ZNF506: variants seen among roughly 807,000 people sequenced by gnomAD.
ZNF506 encodes zinc finger protein 506.
A neutral mutation model predicts 11.6 loss-of-function variants in ZNF506; 10 were observed. That is an observed-to-expected ratio of 0.86 (90% confidence interval 0.53 to 1.46). The LOEUF is 1.46. Ranked by LOEUF, ZNF506 falls within the 40% of genes most tolerant of loss-of-function variation. ZNF506 has a pLI of 0.00. For synonymous variants in ZNF506, 156 were observed against 173.3 expected, an observed-to-expected ratio of 0.90 and a Z score of 0.78; for missense variants, 425 against 521.2, an observed-to-expected ratio of 0.82 and a Z score of 1.80.
chr19:19,812,753 A>C (rs1322725162), intron 1 of ZNF506, among the ~76,000 whole-genome samples: 1 of 152,236 alleles, frequency 6.6e-6, no homozygotes, highest in East Asian at 1.9e-4. Flanking sequence ...GTGGAGTACA[A>C]TTAAAGGAGA....
chr19:19,814,680 C>T (rs1005382706), intron 1 of ZNF506, among the ~76,000 whole-genome samples: 2 of 151,484 alleles, frequency 1.3e-5, no homozygotes, highest in South Asian at 4.2e-4. Context: ...ACATGTGTAC[C>T]CTGAACCAAA....
At chr19:19,821,179 G>A (rs908020727) in intron 1 of ZNF506, among the ~76,000 whole-genome samples, 4 of 152,304 alleles carry the variant, frequency 2.6e-5, no homozygotes, top group Non-Finnish European at 5.9e-5. Context: ...GATTACAGGG[G>A]TGACCCACCA....
At chr19:19,813,608 G>T (rs1024557596) in intron 1 of ZNF506, among the ~76,000 whole-genome samples, 20 of 152,180 alleles carry the variant, frequency 1.3e-4, no homozygotes, top group Non-Finnish European at 2.6e-4. Flanking sequence ...CATGTTCATT[G>T]CAGCACTATT....
rs181645207 is a variant in ZNF506, at chr19:19,802,018, A to C, written c.226+4013T>G. Among the ~76,000 whole-genome samples the C allele has an allele frequency of 1.3e-4, 20 of 151,880 alleles. 1 individual carries two copies. The highest frequency in any genetic ancestry group is 4.6e-4 in the African/African-American group (19 of 41,246). On this transcript the variant is annotated intron_variant, in intron 3 of 3. Transcript: ENST00000540806. ...CAGGAGTTCAAAGACCAGCCTGACC[A>C]ACATGGTGAAACCCCATCTCTACTA...
At chr19:19,809,650 G>GA (rs1388796876) in intron 1 of ZNF506, among the ~76,000 whole-genome samples, 4 of 150,236 alleles carry the variant, frequency 2.7e-5, no homozygotes, top group Non-Finnish European at 5.9e-5. Context: ...AAGAGATTCA[G>GA]GAACAATGAG....
intron 1 of ZNF506, among the ~76,000 whole-genome samples, chr19:19,812,254 C>A (rs1244850426): frequency 1.3e-5 from 2 of 152,240 alleles, no homozygotes; most frequent in African/African-American, 4.8e-5. Flanking sequence ...TCAAATGCCT[C>A]AAAGACACCT....
chr19:19,814,959 T>A (rs956707787), intron 1 of ZNF506, among the ~76,000 whole-genome samples: 5 of 151,974 alleles, frequency 3.3e-5, no homozygotes, highest in African/African-American at 1.2e-4. Context: ...AACACTAGGA[T>A]CAAAAATGCC....
chr19:19,800,920 G>A (rs1474976741), intron 3 of ZNF506, among the ~76,000 whole-genome samples: 1 of 151,914 alleles, frequency 6.6e-6, no homozygotes, highest in East Asian at 2.0e-4. Context: ...CAACACTAGG[G>A]GAGGCCGAGG....
rs993427868 is a variant in ZNF506, at chr19:19,801,979, A to G, written c.226+4052T>C. On this transcript the variant is annotated intron_variant, in intron 3 of 3. Coordinates refer to ENST00000540806, the MANE Select transcript of ZNF506 (RefSeq NM_001099269.3). ...AGCACTATGGGAGGCCGAGGCGGGC[A>G]GATCACCTGAGGTCAGGAGTTCAAA... Among the ~76,000 whole-genome samples the G allele has an allele frequency of 9.9e-5, 15 of 151,430 alleles. 1 individual carries two copies. The highest frequency in any genetic ancestry group is 7.9e-4 in the Admixed American group (12 of 15,210).
intron 3 of ZNF506, among the ~76,000 whole-genome samples, chr19:19,804,632 A>G (rs2062820861): frequency 6.6e-6 from 1 of 152,254 alleles, no homozygotes; most frequent in Non-Finnish European, 1.5e-5. Context: ...ACACATGCAC[A>G]CGTATGTTTA....
At chr19:19,820,893 C>T (rs1359388968) in intron 1 of ZNF506, among the ~76,000 whole-genome samples, 1 of 151,848 alleles carries the variant, frequency 6.6e-6, no homozygotes, top group Non-Finnish European at 1.5e-5. Context: ...TGCGGTGACT[C>T]CCCCCTCCCC....
chr19:19,800,766 T>G (rs1042558978), intron 3 of ZNF506, among the ~76,000 whole-genome samples: 4 of 152,102 alleles, frequency 2.6e-5, no homozygotes, highest in Admixed American at 1.3e-4. Context: ...GATAACACAT[T>G]TTGTTATGTG....
chr19:19,798,580 G>T (rs1450041676), intron 3 of ZNF506: 1 of 148,818 alleles, frequency 6.7e-6, no homozygotes, highest in African/African-American at 2.5e-5. Context: ...GTGTGAACCC[G>T]GGAGGCGGAG....
intron 3 of ZNF506, among the ~76,000 whole-genome samples, chr19:19,805,284 CA>C (rs1000364193): frequency 2.0e-5 from 3 of 148,382 alleles, no homozygotes; most frequent in African/African-American, 2.5e-5. Flanking sequence ...GGAGGTAATA[CA>C]AAAAAAAAGA....
At position 19,793,661 on chromosome 19, in the gene ZNF506, C is replaced by T. The variant is rs2062712961; in HGVS notation, c.*891G>A. On this transcript the variant is annotated 3_prime_UTR_variant, in exon 4 of 4. Coordinates refer to ENST00000540806, the MANE Select transcript of ZNF506 (RefSeq NM_001099269.3). ...ATTGCACTTTTATTGCTTTTATTAA[C>T]TATGAACCTTCTGTTGAGATGTGAG... Among the ~76,000 whole-genome samples, 1 of 152,144 alleles carries T rather than the reference C, an allele frequency of 6.6e-6. No homozygotes were observed. The highest frequency in any genetic ancestry group is 2.1e-4 in the South Asian group (1 of 4,832).
chr19:19,812,545 T>C (rs541774557), intron 1 of ZNF506, among the ~76,000 whole-genome samples: 14 of 152,358 alleles, frequency 9.2e-5, no homozygotes, highest in Admixed American at 2.6e-4. Flanking sequence ...CATCACATTC[T>C]ATTTCCTCCT....
At position 19,794,970 on chromosome 19, in the gene ZNF506, A is replaced by G; in HGVS notation, c.917T>C (p.Ile306Thr). The part of the protein sequence containing the change: ...SSSTLTKHEI[I>T]HTGEKPYKCE... ...TTTGTAGGGTTTCTCTCCAGTATGA[A>G]TTATCTCATGTTTAGTAAGGGTTGA... The change falls in exon 4 of 4, where the codon ATT (isoleucine) becomes ACT (threonine). Residue 306 changes from isoleucine (I) to threonine (T), a missense_variant. By Grantham distance (89) the Ile-to-Thr change is moderately conservative. Coordinates refer to ENST00000540806, the MANE Select transcript of ZNF506 (RefSeq NM_001099269.3). 1 of 1,613,830 alleles carries G rather than the reference A, an allele frequency of 6.2e-7. No individual in the cohort carries two copies. The highest frequency in any genetic ancestry group is 1.7e-4 in the Middle Eastern group (1 of 6,060).
At chr19:19,808,790 C>A (rs910166150) in intron 1 of ZNF506, among the ~76,000 whole-genome samples, 1 of 142,522 alleles carries the variant, frequency 7.0e-6, no homozygotes, top group Non-Finnish European at 1.5e-5. Flanking sequence ...TTGCACTGAG[C>A]CAAGATCGCG....
chr19:19,801,661 G>A (rs753002771), intron 3 of ZNF506, among the ~76,000 whole-genome samples: 1 of 151,118 alleles, frequency 6.6e-6, no homozygotes, highest in African/African-American at 2.4e-5. Flanking sequence ...TGTGGTGGCG[G>A]GTGCTTGTAG....
Sources: gnomAD v4.1 joint callset for allele counts (sites outside exome capture counted in the v4.1 genomes callset) on GRCh38, gnomAD v4.1.1 for gene constraint, MANE v1.5 for transcripts, NCBI Gene and HGNC (gene_info 2026-07-23, HGNC 2026-07-21) for gene names.